TMEM131: variants seen among roughly 807,000 people sequenced by gnomAD.
TMEM131 encodes the protein 2610524E03Rik.
In TMEM131, 66 loss-of-function variants were observed where a neutral mutation model predicts 211.6. The ratio of observed to expected loss-of-function variants is 0.31; its 90% CI spans 0.26 to 0.38. The LOEUF is 0.38. Ranked by LOEUF, TMEM131 falls within the 10% of genes least tolerant of loss-of-function variation. The pLI, the probability that TMEM131 is intolerant of heterozygous loss-of-function variation, is 1.00. For synonymous variants in TMEM131, 844 were observed against 841.3 expected (o/e 1.00, Z -0.06); for missense variants, 2,036 against 2,299.3 (o/e 0.89, Z 2.34).
chr2:97,959,742 TAC>T (rs1177864356), intron 1 of TMEM131, among the ~76,000 whole-genome samples: 3 of 152,314 alleles, frequency 2.0e-5, no homozygotes, highest in East Asian at 1.9e-4. Flanking sequence ...ATTTAAAAAA[TAC>T]AGTCGGTATT....
At chr2:97,801,107 TAC>T (rs1295207044) in intron 25 of TMEM131, among the ~76,000 whole-genome samples, 2 of 152,232 alleles carry the variant, frequency 1.3e-5, no homozygotes, top group African/African-American at 4.8e-5. Flanking sequence ...TTTCAAGAAC[TAC>T]AAGGGATCTG....
intron 3 of TMEM131, among the ~76,000 whole-genome samples, chr2:97,902,500 T>A (rs769336766): frequency 6.6e-6 from 1 of 152,196 alleles, no homozygotes; most frequent in South Asian, 2.1e-4. Context: ...CGGTTTTTAA[T>A]ATACACAGAT....
chr2:97,890,001 G>A (rs1675315371), intron 3 of TMEM131, among the ~76,000 whole-genome samples: 1 of 152,186 alleles, frequency 6.6e-6, no homozygotes, highest in African/African-American at 2.4e-5. Context: ...CTGCTGCCAA[G>A]ACCTGAACGA....
intron 5 of TMEM131, among the ~76,000 whole-genome samples, chr2:97,857,548 ATTGTGAACTATTT>A (rs1455173710): frequency 3.3e-5 from 5 of 152,234 alleles, no homozygotes; most frequent in Non-Finnish European, 7.3e-5. Flanking sequence ...GTATAGTGCA[ATTGTGAACTATTT>A]TTTAACTGAT....
At chr2:97,951,394 G>C (rs1180028450) in intron 1 of TMEM131, among the ~76,000 whole-genome samples, 2 of 152,140 alleles carry the variant, frequency 1.3e-5, no homozygotes, top group Admixed American at 6.5e-5. Flanking sequence ...AGTATGATTA[G>C]GCCAGTGGGT....
chr2:97,767,153 T>C (rs1050216953), intron 33 of TMEM131, among the ~76,000 whole-genome samples: 3 of 152,256 alleles, frequency 2.0e-5, no homozygotes, highest in Non-Finnish European at 4.4e-5. Context: ...GGATGAATTT[T>C]CTTCCTTATT....
In TMEM131 at chr2:97,839,555, A is replaced by G. The variant is rs540237041; in HGVS notation, c.723+2260T>C. On this transcript the variant is annotated intron_variant, in intron 7 of 40. Coordinates refer to ENST00000186436, the MANE Select transcript of TMEM131 (RefSeq NM_015348.2). ...ATAGTTTAGGAAAAAAAGGAAGCCAAACATTATGTACAGAATATATTATGT... is the reference window on the plus strand; with the variant it reads ...ATAGTTTAGGAAAAAAAGGAAGCCAGACATTATGTACAGAATATATTATGT... 2.0e-5 allele frequency among the ~76,000 whole-genome samples: 3 copies of G among 152,356 alleles called. No individual in the cohort carries two copies. In the East Asian group the frequency reaches 5.8e-4, roughly 29 times the overall value.
intron 31 of TMEM131, among the ~76,000 whole-genome samples, chr2:97,779,587 C>T (rs1309669798): frequency 1.3e-5 from 2 of 152,234 alleles, no homozygotes; most frequent in Non-Finnish European, 2.9e-5. Flanking sequence ...GCCCCAGAGT[C>T]CGCATCACCT....
intron 2 of TMEM131, among the ~76,000 whole-genome samples, chr2:97,920,352 G>T (rs1573558334): frequency 6.6e-6 from 1 of 152,144 alleles, no homozygotes; most frequent in African/African-American, 2.4e-5. Context: ...GTGAAATATT[G>T]AATGTTGTAT....
At chr2:97,770,967 T>C (rs1297217177) in intron 33 of TMEM131, among the ~76,000 whole-genome samples, 2 of 152,218 alleles carry the variant, frequency 1.3e-5, no homozygotes, top group African/African-American at 2.4e-5. Flanking sequence ...GAAGAATCTC[T>C]AGCTAGTAGC....
chr2:97,950,496 T>C (rs1217730778), intron 1 of TMEM131, among the ~76,000 whole-genome samples: 1 of 152,154 alleles, frequency 6.6e-6, no homozygotes, highest in Non-Finnish European at 1.5e-5. Context: ...GATCCTAATG[T>C]CCCTACACTT....
At chr2:97,816,091 A>T (rs1456801802) in intron 12 of TMEM131, among the ~76,000 whole-genome samples, 1 of 152,342 alleles carries the variant, frequency 6.6e-6, no homozygotes, top group Non-Finnish European at 1.5e-5. Flanking sequence ...CGGTAATCCC[A>T]GCACTTTGCC....
intron 1 of TMEM131, among the ~76,000 whole-genome samples, chr2:97,990,254 C>T (rs1442858450): frequency 6.6e-6 from 1 of 151,926 alleles, no homozygotes; most frequent in Non-Finnish European, 1.5e-5. Flanking sequence ...TCCAGAATGG[C>T]CTGTGATTAC....
chr2:97,834,704 A>G (rs1481552982), intron 9 of TMEM131, 27 bp from the exon 10 acceptor site: 1 of 1,595,198 alleles, frequency 6.3e-7, no homozygotes, highest in Non-Finnish European at 8.5e-7. Flanking sequence ...GTCAACAATT[A>G]TTTTTCACTT....
At chr2:97,760,465 C>A (rs1240413732) in intron 38 of TMEM131, 128 bp downstream of exon 38, 5 of 882,348 alleles carry the variant, frequency 5.7e-6, no homozygotes, top group Non-Finnish European at 8.8e-6. Flanking sequence ...GGCACTTGAC[C>A]ACTTCTGACA....
chr2:97,909,886 G>A (rs1286711958), intron 2 of TMEM131, among the ~76,000 whole-genome samples: 1 of 151,990 alleles, frequency 6.6e-6, no homozygotes, highest in Non-Finnish European at 1.5e-5. Context: ...TATTGGTTGA[G>A]CTCTTCTATT....
At chr2:97,950,299 C>T (rs770146790) in intron 1 of TMEM131, among the ~76,000 whole-genome samples, 14 of 152,172 alleles carry the variant, frequency 9.2e-5, no homozygotes, top group Non-Finnish European at 1.5e-4. Flanking sequence ...CAAATACATA[C>T]ATATATAAAG....
chr2:97,759,852 TG>T (rs2104753137), intron 38 of TMEM131, 103 bp from the exon 39 acceptor site: 3 of 780,610 alleles, frequency 3.8e-6, no homozygotes, highest in Non-Finnish European at 6.6e-6. Context: ...CTGCTTCAAC[TG>T]GGGGTACTCA....
intron 3 of TMEM131, among the ~76,000 whole-genome samples, chr2:97,897,303 A>C (rs1162022940): frequency 1.3e-5 from 2 of 152,200 alleles, no homozygotes; most frequent in South Asian, 2.1e-4. Context: ...TACCACATCC[A>C]GTACAATGTT....
Sources: allele counts gnomAD v4.1 joint callset (sites outside exome capture counted in the v4.1 genomes callset), GRCh38; gene constraint gnomAD v4.1.1; transcripts MANE v1.5; gene names NCBI Gene and HGNC (gene_info 2026-07-23, HGNC 2026-07-21).